Variants in PEX5L observed in about 807,000 individuals in gnomAD.
The protein encoded by PEX5L is PEX5-related protein.
Under a neutral mutation model 84.0 loss-of-function variants are expected in PEX5L, and 30 were observed. The ratio of observed to expected loss-of-function variants is 0.36; its 90% CI spans 0.27 to 0.48. The LOEUF is 0.48. PEX5L is among the 20% of genes least tolerant of loss of function. The pLI is 0.99. For synonymous variants in PEX5L, 270 were observed against 283.1 expected, an observed-to-expected ratio of 0.95 and a Z score of 0.46; for missense variants, 533 against 754.6, an observed-to-expected ratio of 0.71 and a Z score of 3.44.
At chr3:179,892,478 A>T (rs780543223) in intron 3 of PEX5L, among the ~76,000 whole-genome samples, 1 of 151,958 alleles carries the variant, frequency 6.6e-6, no homozygotes, top group African/African-American at 2.4e-5. Flanking sequence ...TCATCCAAGA[A>T]TTTTTTTTGT....
chr3:179,877,547 C>T (rs892768556), intron 5 of PEX5L, among the ~76,000 whole-genome samples: 1 of 152,168 alleles, frequency 6.6e-6, no homozygotes, highest in African/African-American at 2.4e-5. Flanking sequence ...CAGCCTCAAT[C>T]TCTTGGGCTT....
chr3:179,998,083 T>C (rs967526463), intron 1 of PEX5L, among the ~76,000 whole-genome samples: 10 of 152,178 alleles, frequency 6.6e-5, no homozygotes, highest in Non-Finnish European at 1.3e-4. Flanking sequence ...TGCCACAGGA[T>C]GGGAAATAAA....
intron 2 of PEX5L, among the ~76,000 whole-genome samples, chr3:179,914,087 T>C (rs895681333): frequency 7.9e-5 from 12 of 152,150 alleles, no homozygotes; most frequent in Admixed American, 1.3e-4. Context: ...TAACAGAGAT[T>C]GATGTTTTAG....
chr3:179,902,565 T>C (rs1761762412), intron 2 of PEX5L: 1 of 354,584 alleles, frequency 2.8e-6, no homozygotes, highest in African/African-American at 2.1e-5. Flanking sequence ...CAAACTTCTT[T>C]TTTATTCTGT....
chr3:179,871,153 A>G (rs994600841), intron 7 of PEX5L, among the ~76,000 whole-genome samples: 9 of 142,480 alleles, frequency 6.3e-5, no homozygotes, highest in African/African-American at 2.4e-4. Context: ...CCCAGACTGG[A>G]ATGCAGTAGC....
At chr3:179,882,991 C>T (rs998411545) in intron 4 of PEX5L, among the ~76,000 whole-genome samples, 6 of 151,936 alleles carry the variant, frequency 3.9e-5, no homozygotes, top group South Asian at 2.1e-4. Flanking sequence ...CTCAGCTACT[C>T]GGGAGACTAG....
intron 1 of PEX5L, chr3:179,973,254 C>T: frequency 1.6e-6 from 2 of 1,288,920 alleles, no homozygotes; most frequent in Non-Finnish European, 2.0e-6. Flanking sequence ...TCAGACATCC[C>T]AGAATTCTTT....
chr3:179,846,249 T>C (rs1739302190), intron 8 of PEX5L, among the ~76,000 whole-genome samples: 2 of 152,334 alleles, frequency 1.3e-5, no homozygotes, highest in African/African-American at 4.8e-5. Context: ...TTATGAGGTA[T>C]ATGTGATGTT....
rs1560487548 is a variant in PEX5L at position 179,874,725 on chromosome 3, G to GGTTTTTT, written c.630-309_630-303dup. On this transcript the variant is annotated intron_variant, in intron 6 of 14. Coordinates refer to ENST00000467460, the MANE Select transcript of PEX5L (RefSeq NM_016559.3). ...AAATTCTGTTTCATAAAAAAATTAT[G>GGTTTTTT]GTTTTTTTTTTTGTTTTTTTTTTTT... Among the ~76,000 whole-genome samples, 157 of 76,062 alleles carry GGTTTTTT rather than the reference G, an allele frequency of 2.1e-3. 3 individuals carry two copies. The highest frequency in any genetic ancestry group is 4.4e-3 in the South Asian group (7 of 1,576). The allele number at this position is 76,062 out of a possible 152,430, so 49.9% of individuals were successfully genotyped here. A position where few individuals can be genotyped will look rare whatever the true frequency, so the allele number is the denominator to read the frequency against.
intron 2 of PEX5L, among the ~76,000 whole-genome samples, chr3:179,943,579 G>A (rs1182579615): frequency 6.6e-6 from 1 of 152,218 alleles, no homozygotes; most frequent in African/African-American, 2.4e-5. Flanking sequence ...TCTGCTCACT[G>A]GAAGCTAACT....
chr3:179,964,706 C>T (rs896744943), intron 2 of PEX5L, among the ~76,000 whole-genome samples: 8 of 152,140 alleles, frequency 5.3e-5, no homozygotes, highest in African/African-American at 1.9e-4. Context: ...AAATGCTCAA[C>T]ATCACTAATC....
chr3:179,885,193 G>C (rs1385512366), intron 4 of PEX5L, among the ~76,000 whole-genome samples: 1 of 152,094 alleles, frequency 6.6e-6, no homozygotes. Context: ...CCCTACGTTG[G>C]AGAGTATTAT....
At chr3:179,915,401 G>A (rs1766676473) in intron 2 of PEX5L, among the ~76,000 whole-genome samples, 1 of 152,106 alleles carries the variant, frequency 6.6e-6, no homozygotes, top group South Asian at 2.1e-4. Flanking sequence ...AAATAAAAGA[G>A]AAGAAACTAT....
intron 2 of PEX5L, among the ~76,000 whole-genome samples, chr3:179,919,710 CTG>C (rs1768597857): frequency 6.6e-6 from 1 of 152,056 alleles, no homozygotes; most frequent in Admixed American, 6.6e-5. Context: ...AAACAAGTAA[CTG>C]TTTTTTCTGA....
intron 1 of PEX5L, chr3:179,974,043 T>A: frequency 1.0e-6 from 1 of 985,510 alleles, no homozygotes; most frequent in Non-Finnish European, 1.2e-6. Context: ...AGCATAATCC[T>A]CTTTCAAGCA....
At chr3:179,981,720 G>A (rs1786348660) in intron 1 of PEX5L, among the ~76,000 whole-genome samples, 2 of 151,800 alleles carry the variant, frequency 1.3e-5, no homozygotes, top group Admixed American at 1.3e-4. Context: ...GGGCTAACAG[G>A]AAAAAATTTT....
At chr3:179,979,341 T>C (rs1263332777) in intron 1 of PEX5L, among the ~76,000 whole-genome samples, 2 of 152,176 alleles carry the variant, frequency 1.3e-5, no homozygotes, top group Non-Finnish European at 2.9e-5. Flanking sequence ...CCCTATAGAC[T>C]TGTCTCTAGA....
intron 1 of PEX5L, among the ~76,000 whole-genome samples, chr3:179,987,463 T>C (rs1372768708): frequency 1.3e-5 from 2 of 152,218 alleles, no homozygotes; most frequent in Non-Finnish European, 2.9e-5. Flanking sequence ...TAGAACCTGG[T>C]GAGAAGCAGT....
intron 1 of PEX5L, among the ~76,000 whole-genome samples, chr3:180,021,104 C>T (rs995130112): frequency 4.6e-5 from 7 of 152,028 alleles, no homozygotes; most frequent in Admixed American, 1.3e-4. Context: ...TGGAGGTTTA[C>T]GGAAGACTCC....
Sources: allele counts gnomAD v4.1 joint callset (sites outside exome capture counted in the v4.1 genomes callset), GRCh38; gene constraint gnomAD v4.1.1; transcripts MANE v1.5; gene names NCBI Gene and HGNC (gene_info 2026-07-23, HGNC 2026-07-21).